The following SEMA4F variants were observed in gnomAD, a reference collection of about 807,000 sequenced individuals.
SEMA4F encodes semaphorin-4F.
Under a neutral mutation model 78.4 loss-of-function variants are expected in SEMA4F, and 51 were observed. The observed-to-expected ratio is 0.65, with a 90% CI of 0.52 to 0.82. SEMA4F has a LOEUF of 0.82. Ranked by LOEUF, SEMA4F falls within the 40% of genes least tolerant of loss-of-function variation. The pLI, the probability that SEMA4F is intolerant of heterozygous loss-of-function variation, is 0.00. For synonymous variants in SEMA4F, 418 were observed against 408.7 expected, an observed-to-expected ratio of 1.02 and a Z score of -0.27; for missense variants, 938 against 1,014.4, an observed-to-expected ratio of 0.92 and a Z score of 1.02.
chr2:74,666,371 T>C (rs1212070201), intron 5 of SEMA4F, among the ~76,000 whole-genome samples: 1 of 151,900 alleles, frequency 6.6e-6, no homozygotes, highest in African/African-American at 2.4e-5. Context: ...AAGATCATTA[T>C]AAGACAAAGT....
intron 5 of SEMA4F, among the ~76,000 whole-genome samples, chr2:74,664,823 A>G (rs1159779725): frequency 6.6e-6 from 1 of 152,194 alleles, no homozygotes; most frequent in East Asian, 1.9e-4. Context: ...TTAGTATTTC[A>G]ATTACATATC....
At chr2:74,687,212 G>A (rs1186818725), downstream of SEMA4F, among the ~76,000 whole-genome samples, 1 of 152,080 alleles carries the variant, frequency 6.6e-6, no homozygotes, top group Non-Finnish European at 1.5e-5. Context: ...GATACACCAA[G>A]CTTGTTCCCA....
chr2:74,664,280 C>A (rs1398098772), intron 5 of SEMA4F, among the ~76,000 whole-genome samples: 2 of 152,146 alleles, frequency 1.3e-5, no homozygotes, highest in Non-Finnish European at 2.9e-5. Flanking sequence ...ATATCACAGG[C>A]ATTTCTATAT....
Position 74,679,714 on chromosome 2 carries a change from A to G in SEMA4F, c.1818A>G (p.Ala606=). The part of the protein sequence containing the change: ...CVWHQPSGVT[A]LTPRRDGLEV... ...GGCACCAGCCCAGTGGAGTGACTGC[A>G]CTCACCCCCCGGCGGGATGGACTGG... The change falls in exon 14 of 14, where the codon GCA becomes GCG. Residue 606 remains alanine, a synonymous_variant. Coordinates refer to ENST00000357877, the MANE Select transcript of SEMA4F (RefSeq NM_004263.5). The G allele has an allele frequency of 6.2e-7, 1 of 1,613,852 alleles. No individual in the cohort carries two copies. Among genetic ancestry groups the G allele is most frequent in the Non-Finnish European group, 8.5e-7 (1 of 1,179,990 alleles).
chr2:74,677,833 C>T (rs1222462993), intron 12 of SEMA4F, among the ~76,000 whole-genome samples: 1 of 152,176 alleles, frequency 6.6e-6, no homozygotes, highest in African/African-American at 2.4e-5. Flanking sequence ...TTAATTCACA[C>T]ATGTCAAAAC....
chr2:74,678,207 A>G (rs775223449), intron 12 of SEMA4F, among the ~76,000 whole-genome samples: 2 of 152,198 alleles, frequency 1.3e-5, no homozygotes, highest in African/African-American at 2.4e-5. Context: ...GATATCCTCT[A>G]TACTTGAGCC....
Position 74,675,307 on chromosome 2 carries a change from C to T in SEMA4F, c.1295C>T (p.Thr432Ile). Residue 432 changes from threonine to isoleucine, a missense_variant, in exon 10 of 14, where the codon ACA becomes ATA. By Grantham distance (89) the Thr-to-Ile change is moderately conservative. Transcript: ENST00000357877. ...CACCCCCTGCTGGTCACTACAGATA[C>T]AGCCTATCTCAGAGTCGTGGCCCAC... ...DGHPLLVTTD[T>I]AYLRVVAHRV... 2.5e-6 allele frequency: 4 copies of T among 1,614,180 alleles called. 1 individual carries two copies. Among genetic ancestry groups the T allele is most frequent in the Non-Finnish European group, 2.5e-6 (3 of 1,180,008 alleles).
In SEMA4F at chr2:74,682,166, C is replaced by T. The variant is rs986786458; in HGVS notation, c.*1957C>T. The T allele has an allele frequency of 6.6e-6, 1 of 152,278 alleles. No homozygotes were observed. The highest frequency in any genetic ancestry group is 1.5e-5 in the Non-Finnish European group (1 of 68,108). 9.4% of individuals were successfully genotyped at this position (152,278 alleles called of 1,614,324 possible). ...GCATGGTGGCTTACGCCTGTAATCC[C>T]AGCACTTTGGGAGGCCAAGGCAGGT... On this transcript the variant is annotated 3_prime_UTR_variant, in exon 14 of 14. Coordinates refer to ENST00000357877, the MANE Select transcript of SEMA4F (RefSeq NM_004263.5).
chr2:74,661,219 C>G (rs563764493), intron 4 of SEMA4F, among the ~76,000 whole-genome samples: 1 of 152,308 alleles, frequency 6.6e-6, no homozygotes, highest in South Asian at 2.1e-4. Flanking sequence ...CATTATTTGT[C>G]TTCCAGGAAT....
chr2:74,680,045 C>G lies in SEMA4F; in HGVS notation c.2149C>G (p.Pro717Ala), dbSNP rs764891521. The change falls in exon 14 of 14, where the codon CCC (proline) becomes GCC (alanine). Residue 717 changes from proline to alanine, a missense_variant. Coordinates refer to ENST00000357877, the MANE Select transcript of SEMA4F (RefSeq NM_004263.5). Reference sequence around the variant, plus strand: ...GACCACAAGCTACAGCCAAGACCCTCCCTCCCCCTCTCCTGAAGATGAGCG... The same window carrying G: ...GACCACAAGCTACAGCCAAGACCCTGCCTCCCCCTCTCCTGAAGATGAGCG... ...SGTTSYSQDP[P>A]SPSPEDERLP... 1.2e-6 allele frequency: 2 copies of G among 1,614,126 alleles called. No homozygotes were observed. Among genetic ancestry groups the G allele is most frequent in the South Asian group, 2.2e-5 (2 of 91,086 alleles).
In SEMA4F at chr2:74,675,000, G is replaced by T. The variant is rs748296656; in HGVS notation, c.1114G>T (p.Val372Leu). ...KHDCNRGLPV[V>L]DNDVPQPRPG... ...TGACTGCAACAGAGGACTGCCTGTC[G>T]TGGACAATGATGTGCCCCAGCCCAG... The change falls in exon 9 of 14, where the codon GTG (valine) becomes TTG (leucine). Residue 372 changes from valine to leucine, a missense_variant. Physicochemically the swap from Val to Leu is conservative, Grantham distance 32. Transcript: ENST00000357877. 1 of 1,613,886 alleles carries T rather than the reference G, an allele frequency of 6.2e-7. No homozygotes were observed. Among genetic ancestry groups the T allele is most frequent in the Admixed American group, 1.7e-5 (1 of 59,992 alleles).
In SEMA4F at chr2:74,680,128, C is replaced by T. The variant is rs200564949; in HGVS notation, c.2232C>T (p.Phe744=). The T allele has an allele frequency of 2.5e-6, 4 of 1,611,002 alleles. No individual in the cohort carries two copies. The highest frequency in any genetic ancestry group is 1.7e-5 in the Admixed American group (1 of 59,940). The part of the protein sequence containing the change: ...GSGFGGFSPP[F]LLDPCPSPAH... ...GCTTTGGTGGATTCTCACCACCCTT[C>T]CTGCTTGATCCTTGCCCAAGCCCAG... Residue 744 remains phenylalanine, a synonymous_variant, in exon 14 of 14, where the codon TTC becomes TTT. Transcript: ENST00000357877.
chr2:74,708,391 G>C, the SEMA4F span, among the ~76,000 whole-genome samples: 3 of 152,064 alleles, frequency 2.0e-5, no homozygotes, highest in South Asian at 6.2e-4. Flanking sequence ...TCCTTGCTGG[G>C]GTGATGTGCC....
chr2:74,667,293 T>G (rs562758903), intron 5 of SEMA4F, among the ~76,000 whole-genome samples: 142 of 152,362 alleles, frequency 9.3e-4, no homozygotes, highest in Non-Finnish European at 1.4e-3. Context: ...TCTACTTAAT[T>G]GCATATGAGT....
the SEMA4F span, among the ~76,000 whole-genome samples, chr2:74,700,776 T>A: frequency 6.6e-6 from 1 of 152,142 alleles, no homozygotes; most frequent in Non-Finnish European, 1.5e-5. Context: ...CTTTCTTTAG[T>A]AAAAGAAAGT....
At chr2:74,700,279 G>A in the SEMA4F span, among the ~76,000 whole-genome samples, 4 of 152,136 alleles carry the variant, frequency 2.6e-5, no homozygotes, top group Non-Finnish European at 4.4e-5. Flanking sequence ...TTGCCTTGAC[G>A]TAGTAGATGA....
chr2:74,673,106 C>G (rs1479483246), intron 5 of SEMA4F, among the ~76,000 whole-genome samples: 1 of 152,064 alleles, frequency 6.6e-6, no homozygotes, highest in Non-Finnish European at 1.5e-5. Flanking sequence ...AGCAAATGCC[C>G]CTTTTGGAGA....
chr2:74,660,085 G>A (rs1056518518), intron 4 of SEMA4F, among the ~76,000 whole-genome samples: 2 of 152,204 alleles, frequency 1.3e-5, no homozygotes, highest in Non-Finnish European at 2.9e-5. Context: ...TCAGTTGAGT[G>A]TCTGCTCTGA....
chr2:74,695,434 T>C, the SEMA4F span, among the ~76,000 whole-genome samples: 2 of 152,186 alleles, frequency 1.3e-5, no homozygotes, highest in Non-Finnish European at 2.9e-5. Flanking sequence ...TGCCTTTTTC[T>C]CTCCAAATGT....
Sources: allele counts gnomAD v4.1 joint callset (sites outside exome capture counted in the v4.1 genomes callset), GRCh38; gene constraint gnomAD v4.1.1; transcripts MANE v1.5; gene names NCBI Gene and HGNC (gene_info 2026-07-23, HGNC 2026-07-21).